Variants in IQCM observed in about 807,000 individuals in gnomAD.
The protein encoded by IQCM is IQ motif containing M, also known as IQ domain-containing protein M.
Under a neutral mutation model 57.6 loss-of-function variants are expected in IQCM, and 45 were observed. That is an observed-to-expected ratio of 0.78 (90% CI 0.62 to 1.00). The LOEUF (loss-of-function observed/expected upper bound fraction) is 1.00, where lower values mean the gene tolerates loss of function less well. IQCM is among the 50% of genes least tolerant of loss of function. IQCM has a pLI of 0.00. For synonymous variants in IQCM, 148 were observed against 158.9 expected (o/e 0.93, Z 0.51); for missense variants, 468 against 511.6 (o/e 0.91, Z 0.82).
chr4:149,608,495 G>A (rs1754991875), intron 8 of IQCM, among the ~76,000 whole-genome samples: 1 of 151,646 alleles, frequency 6.6e-6, no homozygotes, highest in Non-Finnish European at 1.5e-5. Context: ...ATATTCTCAA[G>A]GATAAACTAT....
chr4:149,450,062 A>G (rs908157151), intron 12 of IQCM, among the ~76,000 whole-genome samples: 3 of 151,852 alleles, frequency 2.0e-5, no homozygotes, highest in African/African-American at 4.8e-5. Context: ...CCACACATCT[A>G]TAGTGAACTC....
intron 13 of IQCM, among the ~76,000 whole-genome samples, chr4:149,367,597 C>T (rs1729932547): frequency 6.6e-6 from 1 of 151,850 alleles, no homozygotes; most frequent in South Asian, 2.1e-4. Context: ...CCAGTTTTAC[C>T]AACTAAAAAT....
chr4:149,786,212 C>T (rs140044870), intron 2 of IQCM, among the ~76,000 whole-genome samples: 2 of 152,236 alleles, frequency 1.3e-5, no homozygotes, highest in South Asian at 2.1e-4. Context: ...TACAATTGCC[C>T]CCAGCTTACT....
At chr4:149,765,292 A>G (rs1013546699) in intron 2 of IQCM, among the ~76,000 whole-genome samples, 3 of 152,122 alleles carry the variant, frequency 2.0e-5, no homozygotes, top group African/African-American at 7.2e-5. Flanking sequence ...GAAGTATGAG[A>G]CAGACATTGG....
At chr4:149,702,992 G>A (rs1763882347) in intron 5 of IQCM, among the ~76,000 whole-genome samples, 1 of 151,764 alleles carries the variant, frequency 6.6e-6, no homozygotes, top group South Asian at 2.1e-4. Flanking sequence ...TGTGTGTGTG[G>A]GACAGCCAAC....
intron 12 of IQCM, among the ~76,000 whole-genome samples, chr4:149,487,171 T>C (rs1741610171): frequency 1.3e-5 from 2 of 152,022 alleles, no homozygotes; most frequent in Non-Finnish European, 2.9e-5. Context: ...ACTGGATCCT[T>C]CCCTTCAAGG....
At chr4:149,504,139 C>T (rs1743541691) in intron 12 of IQCM, among the ~76,000 whole-genome samples, 1 of 151,930 alleles carries the variant, frequency 6.6e-6, no homozygotes, top group South Asian at 2.1e-4. Context: ...TGATACTACC[C>T]CAAGATGGCC....
intron 10 of IQCM, among the ~76,000 whole-genome samples, chr4:149,559,509 AG>A (rs1431858248): frequency 6.6e-6 from 1 of 152,054 alleles, no homozygotes; most frequent in Admixed American, 6.6e-5. Flanking sequence ...TCCAGATCTC[AG>A]TTTACTGGTC....
At position 149,717,261 on chromosome 4, in the gene IQCM, C is replaced by T. The variant is rs147598522; in HGVS notation, c.385+15983G>A. Reference sequence around the variant, plus strand: ...TGACGGGCAGTTTGAGGACTAAGCCCTCAACCTATGGGATCTGATGCTACC... The same window carrying T: ...TGACGGGCAGTTTGAGGACTAAGCCTTCAACCTATGGGATCTGATGCTACC... On this transcript the variant is annotated intron_variant, in intron 5 of 13. Coordinates refer to ENST00000636793, the MANE Select transcript of IQCM (RefSeq NM_001363507.2). Among the ~76,000 whole-genome samples the T allele has an allele frequency of 3.6e-4, 55 of 152,230 alleles. No individual in the cohort carries two copies. In the East Asian group the frequency reaches 9.7e-3, roughly 27 times the overall value.
intron 2 of IQCM, among the ~76,000 whole-genome samples, chr4:149,749,227 A>G (rs567141567): frequency 3.5e-4 from 54 of 152,340 alleles, no homozygotes; most frequent in Non-Finnish European, 6.5e-4. Flanking sequence ...CTTATAATGT[A>G]TACCAAAAGG....
chr4:149,421,608 C>A (rs1362709007), intron 13 of IQCM, among the ~76,000 whole-genome samples: 1 of 151,834 alleles, frequency 6.6e-6, no homozygotes, highest in African/African-American at 2.4e-5. Flanking sequence ...TCAAATGAAA[C>A]CTGGGAGCCT....
At chr4:149,404,485 T>C (rs931555490) in intron 13 of IQCM, among the ~76,000 whole-genome samples, 3 of 152,112 alleles carry the variant, frequency 2.0e-5, no homozygotes, top group African/African-American at 7.2e-5. Flanking sequence ...GAATAATCTT[T>C]ACTAAAAACT....
intron 7 of IQCM, among the ~76,000 whole-genome samples, chr4:149,631,130 T>C (rs2150093299): frequency 6.6e-6 from 1 of 152,296 alleles, no homozygotes; most frequent in East Asian, 1.9e-4. Flanking sequence ...GGTACTAAGT[T>C]TTTAACAAGC....
chr4:149,400,780 G>A (rs968540721), intron 13 of IQCM, among the ~76,000 whole-genome samples: 2 of 151,836 alleles, frequency 1.3e-5, no homozygotes, highest in Non-Finnish European at 2.9e-5. Context: ...ATTAGGCATG[G>A]CCAAATGATG....
intron 2 of IQCM, among the ~76,000 whole-genome samples, chr4:149,746,166 A>T (rs1460593081): frequency 1.3e-5 from 2 of 151,922 alleles, no homozygotes; most frequent in Non-Finnish European, 2.9e-5. Context: ...ACTACCCCAA[A>T]CTTTCTCCCC....
At chr4:149,504,357 T>G (rs1743566971) in intron 12 of IQCM, among the ~76,000 whole-genome samples, 1 of 152,192 alleles carries the variant, frequency 6.6e-6, no homozygotes, top group African/African-American at 2.4e-5. Flanking sequence ...CATCCATTTA[T>G]TCACTTAATA....
intron 2 of IQCM, among the ~76,000 whole-genome samples, chr4:149,745,627 C>T (rs926260041): frequency 1.2e-4 from 18 of 152,146 alleles, no homozygotes; most frequent in Non-Finnish European, 2.9e-5. Context: ...GAAGTAGAAA[C>T]TATTTCCCTA....
chr4:149,529,177 C>T (rs996895114), intron 12 of IQCM, among the ~76,000 whole-genome samples: 1 of 152,112 alleles, frequency 6.6e-6, no homozygotes, highest in Non-Finnish European at 1.5e-5. Flanking sequence ...AATTCTCCCG[C>T]TTCGGCCTCC....
At chr4:149,759,324 G>A (rs926969569) in intron 2 of IQCM, among the ~76,000 whole-genome samples, 3 of 152,088 alleles carry the variant, frequency 2.0e-5, no homozygotes, top group Non-Finnish European at 2.9e-5. Context: ...ACCACGTAAC[G>A]GTGAATACAT....
Sources: allele counts gnomAD v4.1 joint callset (sites outside exome capture counted in the v4.1 genomes callset), GRCh38; gene constraint gnomAD v4.1.1; transcripts MANE v1.5; gene names NCBI Gene and HGNC (gene_info 2026-07-23, HGNC 2026-07-21).